Variants in ABCA13 observed in about 807,000 individuals in gnomAD.
The protein encoded by ABCA13 is ATP-binding cassette sub-family A member 13.
A neutral mutation model predicts 478.7 loss-of-function variants in ABCA13; 476 were observed. The ratio of observed to expected loss-of-function variants is 0.99; its 90% CI spans 0.92 to 1.07. ABCA13 has a LOEUF of 1.07. Among genes scored for constraint, ABCA13 ranks in the 50% least tolerant of loss-of-function variants. The probability of loss-of-function intolerance (pLI) is 0.00; values close to 1 mark genes in which losing one functional copy is unlikely to be tolerated. For missense variants in ABCA13, 6,060 were observed against 5,910.6 expected, an observed-to-expected ratio of 1.03 and a Z score of -0.83; for synonymous variants, 2,252 against 2,158.9, an observed-to-expected ratio of 1.04 and a Z score of -1.20.
At position 48,646,765 on chromosome 7, in the gene ABCA13, C is replaced by T. The variant is rs1487917641; in HGVS notation, c.*1253C>T. 6.6e-6 allele frequency: 1 copy of T among 152,150 alleles called. No individual in the cohort carries two copies. 9.4% of individuals were successfully genotyped at this position (152,150 alleles called of 1,614,324 possible). ...CTATCTCCTGACCTTGTGATCCGCC[C>T]CCCTCCACCTCCCAAAGTGCTGGGA... On this transcript the variant is annotated 3_prime_UTR_variant, in exon 62 of 62. Coordinates refer to ENST00000435803, the MANE Select transcript of ABCA13 (RefSeq NM_152701.5).
intron 31 of ABCA13, among the ~76,000 whole-genome samples, chr7:48,352,852 G>A (rs1179400528): frequency 1.3e-5 from 2 of 151,960 alleles, no homozygotes; most frequent in African/African-American, 2.4e-5. Flanking sequence ...TCTCTGCAGT[G>A]CAAATCCTTA....
intron 58 of ABCA13, among the ~76,000 whole-genome samples, chr7:48,595,437 T>C (rs1286082325): frequency 1.3e-5 from 2 of 152,224 alleles, no homozygotes; most frequent in Non-Finnish European, 2.9e-5. Flanking sequence ...TTAGACTTGT[T>C]TTGTCTTTAT....
chr7:48,472,692 A>T (rs535117939), intron 45 of ABCA13, among the ~76,000 whole-genome samples: 1 of 152,270 alleles, frequency 6.6e-6, no homozygotes, highest in East Asian at 1.9e-4. Context: ...AAAAAAAGCT[A>T]GCAGGGAAGG....
At chr7:48,542,582 C>T (rs1050530672) in intron 55 of ABCA13, among the ~76,000 whole-genome samples, 4 of 151,062 alleles carry the variant, frequency 2.6e-5, no homozygotes, top group Non-Finnish European at 5.9e-5. Context: ...AAAACAATTA[C>T]AATAGAAAAA....
chr7:48,624,059 A>AGTGTGTGTGTGT (rs3078326), intron 59 of ABCA13, among the ~76,000 whole-genome samples: 13 of 142,442 alleles, frequency 9.1e-5, no homozygotes, highest in African/African-American at 2.9e-4. Context: ...CACATGATAG[A>AGTGTGTGTGTGT]GTGTGTGTGT....
chr7:48,407,824 C>T (rs960015278), intron 39 of ABCA13, among the ~76,000 whole-genome samples: 1 of 151,958 alleles, frequency 6.6e-6, no homozygotes, highest in Non-Finnish European at 1.5e-5. Context: ...CCCAATATAA[C>T]AACTATTTAA....
intron 23 of ABCA13, among the ~76,000 whole-genome samples, chr7:48,299,092 A>G (rs1033053656): frequency 6.6e-6 from 1 of 152,150 alleles, no homozygotes; most frequent in African/African-American, 2.4e-5. Context: ...GAAAAGGGGA[A>G]CGGGGACATC....
chr7:48,464,431 C>T (rs142837523), intron 43 of ABCA13, among the ~76,000 whole-genome samples: 227 of 152,184 alleles, frequency 1.5e-3, no homozygotes, highest in African/African-American at 5.0e-3. Context: ...GTAAACCATA[C>T]GAATATTTTA....
intron 48 of ABCA13, among the ~76,000 whole-genome samples, chr7:48,490,198 T>G (rs1829717206): frequency 1.3e-5 from 2 of 152,180 alleles, no homozygotes; most frequent in Admixed American, 1.3e-4. Flanking sequence ...ATGTAAAAGT[T>G]AAAAATGTAC....
In ABCA13 at chr7:48,274,656, A is replaced by G. The variant is rs1409401385; in HGVS notation, c.4990A>G (p.Thr1664Ala). Residue 1664 changes from threonine to alanine, a missense_variant, in exon 17 of 62, where the codon ACT becomes GCT. Thr to Ala is a moderately conservative substitution (Grantham distance 58, BLOSUM62 0). This residue lies in a region of ABCA13 where 4,423 missense variants were observed against 4,309.1 expected (regional missense o/e 1.03). Coordinates refer to ENST00000435803, the MANE Select transcript of ABCA13 (RefSeq NM_152701.5). ...TTATATGCAAGCTTTGAAGAAGGTA[A>G]CTTCTGTCATGCGTACCCTTAAGAA... ...AGYMQALKKV[T>A]SVMRTLKKAD... 1 of 1,613,984 alleles carries G rather than the reference A, an allele frequency of 6.2e-7. No homozygotes were observed. Among genetic ancestry groups the G allele is most frequent in the East Asian group, 2.2e-5 (1 of 44,888 alleles).
chr7:48,347,427 A>C (rs942630084), intron 29 of ABCA13, among the ~76,000 whole-genome samples: 1 of 152,220 alleles, frequency 6.6e-6, no homozygotes. Flanking sequence ...TAATTTGAGA[A>C]GTGCAATGCA....
At chr7:48,187,163 T>A (rs553103209) in intron 1 of ABCA13, among the ~76,000 whole-genome samples, 1 of 151,090 alleles carries the variant, frequency 6.6e-6, no homozygotes, top group South Asian at 2.1e-4. Flanking sequence ...AATCCTACTT[T>A]TTTTCTCTTA....
In ABCA13 at chr7:48,455,135, G is replaced by C. The variant is rs199630218; in HGVS notation, c.12664G>C (p.Ala4222Pro). Residue 4222 changes from alanine (A) to proline (P), a missense_variant, in exon 43 of 62, where the codon GCC becomes CCC. Coordinates refer to ENST00000435803, the MANE Select transcript of ABCA13 (RefSeq NM_152701.5). ...CCGGAGGCTCCGCCGCACGCTGCGC[G>C]CCGGGAAGAGCACCCTCGCCGACCT... ...LARRLRRTLR[A>P]GKSTLADLLL... is the part of the protein sequence containing the mutation. 1,112 of 1,570,076 alleles carry C rather than the reference G, an allele frequency of 7.1e-4. 23 individuals are homozygous for C. In the Admixed American group the frequency reaches 0.017, roughly 25 times the overall value.
intron 46 of ABCA13, among the ~76,000 whole-genome samples, chr7:48,482,260 T>C (rs1828848287): frequency 1.3e-5 from 2 of 152,120 alleles, no homozygotes; most frequent in African/African-American, 4.8e-5. Context: ...ACAAGGAACA[T>C]CTAACCCACT....
intron 48 of ABCA13, among the ~76,000 whole-genome samples, chr7:48,501,394 A>T (rs1830728152): frequency 6.6e-6 from 1 of 152,172 alleles, no homozygotes; most frequent in African/African-American, 2.4e-5. Context: ...CCCCATTCCA[A>T]GGCCATGAGG....
Position 48,249,123 on chromosome 7 carries a change from A to G in ABCA13, c.1866-89A>G, listed in dbSNP as rs1055096017. ...TAAGTGGACTGCCATGCATTTGCATATATTTGTTTTTAGAAAAATTTATAA... is the reference window on the plus strand; with the variant it reads ...TAAGTGGACTGCCATGCATTTGCATGTATTTGTTTTTAGAAAAATTTATAA... On this transcript the variant is annotated intron_variant, in intron 14 of 61. Transcript: ENST00000435803. 7 of 1,163,898 alleles carry G rather than the reference A, an allele frequency of 6.0e-6. No homozygotes were observed. The East Asian group carries it at 1.5e-4, about 24-fold the overall frequency. 72.1% of individuals were successfully genotyped at this position (1,163,898 alleles called of 1,614,324 possible).
At chr7:48,411,039 CTTTCTTTCTTT>C (rs1563208715) in intron 40 of ABCA13, among the ~76,000 whole-genome samples, 48 of 98,460 alleles carry the variant, frequency 4.9e-4, no homozygotes, top group African/African-American at 8.8e-4. Flanking sequence ...TTCTTTCTTT[CTTTCTTTCTTT>C]TTCTTTCTTT....
intron 27 of ABCA13, among the ~76,000 whole-genome samples, chr7:48,322,142 C>T (rs1210698323): frequency 6.6e-6 from 1 of 152,182 alleles, no homozygotes; most frequent in Admixed American, 6.5e-5. Context: ...AGATATTTGG[C>T]TTTGTAGCAT....
rs368693884 is a variant in ABCA13 at position 48,275,490 on chromosome 7, C to A, written c.5824C>A (p.Leu1942Ile). 1.9e-6 allele frequency: 3 copies of A among 1,613,748 alleles called. No individual in the cohort carries two copies. Among genetic ancestry groups the A allele is most frequent in the Non-Finnish European group, 2.5e-6 (3 of 1,179,860 alleles). ...INQTRDSISE[L>I]CPSGSIKQVA... ...TCAAACTAGGGATAGCATCTCTGAACTCTGTCCTAGTGGTTCCATAAAGCA... is the reference window on the plus strand; with the variant it reads ...TCAAACTAGGGATAGCATCTCTGAAATCTGTCCTAGTGGTTCCATAAAGCA... Residue 1942 changes from leucine (L) to isoleucine (I), a missense_variant, in exon 17 of 62, where the codon CTC becomes ATC. Physicochemically the swap from Leu to Ile is conservative, Grantham distance 5. Coordinates refer to ENST00000435803, the MANE Select transcript of ABCA13 (RefSeq NM_152701.5).
Sources: allele counts gnomAD v4.1 joint callset (sites outside exome capture counted in the v4.1 genomes callset), GRCh38; gene constraint gnomAD v4.1.1; regional missense constraint gnomAD v4.1.1; transcripts MANE v1.5; gene names NCBI Gene and HGNC (gene_info 2026-07-23, HGNC 2026-07-21).